Variants in SLC4A1AP observed in about 807,000 individuals in gnomAD.
SLC4A1AP encodes kanadaptin.
In SLC4A1AP, 64 loss-of-function variants were observed where a neutral mutation model predicts 89.7. The observed-to-expected ratio is 0.71, with a 90% confidence interval of 0.58 to 0.88. The LOEUF (loss-of-function observed/expected upper bound fraction) is 0.88, where lower values mean the gene tolerates loss of function less well. SLC4A1AP is among the 40% of genes least tolerant of loss of function. The probability of loss-of-function intolerance (pLI) is 0.00; values close to 1 mark genes in which losing one functional copy is unlikely to be tolerated. For missense variants in SLC4A1AP, 931 were observed against 965.0 expected, an observed-to-expected ratio of 0.96 and a Z score of 0.47; for synonymous variants, 366 against 353.3, an observed-to-expected ratio of 1.04 and a Z score of -0.40.
chr2:27,687,954 G>A (rs200343527), exon 11 of SLC4A1AP: 357 of 1,613,310 alleles, frequency 2.2e-4, no homozygotes, highest in Middle Eastern at 8.3e-4. Context: ...TCAACTTAGC[G>A]AGGAAGAACA....
intron 5 of SLC4A1AP, among the ~76,000 whole-genome samples, chr2:27,674,278 A>G (rs903449677): frequency 6.6e-6 from 1 of 152,190 alleles, no homozygotes; most frequent in Admixed American, 6.5e-5. Context: ...TCTAGGGGAA[A>G]GAGGTACTTT....
chr2:27,681,691 G>A (rs184264648), intron 8 of SLC4A1AP, among the ~76,000 whole-genome samples: 2 of 151,950 alleles, frequency 1.3e-5, no homozygotes, highest in Admixed American at 1.3e-4. Flanking sequence ...TTGTCCTAAT[G>A]GGCTTAGCTT....
At chr2:27,683,767 TCA>T (rs1199967420) in intron 9 of SLC4A1AP, among the ~76,000 whole-genome samples, 1 of 152,056 alleles carries the variant, frequency 6.6e-6, no homozygotes, top group African/African-American at 2.4e-5. Flanking sequence ...AGAGACAGTC[TCA>T]CACTGTCACC....
intron 8 of SLC4A1AP, 89 bp from the exon 9 acceptor site, chr2:27,682,159 C>T: frequency 9.1e-6 from 7 of 771,000 alleles, no homozygotes; most frequent in East Asian, 2.8e-5. Flanking sequence ...TTTATTTTGC[C>T]AGAGGTTTCT....
At chr2:27,672,444 G>C (rs1424166106) in intron 5 of SLC4A1AP, among the ~76,000 whole-genome samples, 3 of 152,000 alleles carry the variant, frequency 2.0e-5, no homozygotes, top group Non-Finnish European at 2.9e-5. Flanking sequence ...TTTCATGCCA[G>C]AGAAGGCTCA....
chr2:27,693,982 TA>T (rs1675832112), intron 13 of SLC4A1AP, among the ~76,000 whole-genome samples: 1 of 152,220 alleles, frequency 6.6e-6, no homozygotes, highest in South Asian at 2.1e-4. Flanking sequence ...AATTATTTTT[TA>T]TTTTTTTAAA....
chr2:27,665,043 C>A, intron 1 of SLC4A1AP, 57 bp from the exon 2 acceptor site: 1 of 1,439,130 alleles, frequency 6.9e-7, no homozygotes, highest in Non-Finnish European at 9.5e-7. Context: ...GCCTAGGCGA[C>A]AGAGCAAGAC....
chr2:27,664,143 C>T (rs1675255762), exon 1 of SLC4A1AP: 1 of 1,614,072 alleles, frequency 6.2e-7, no homozygotes, highest in Non-Finnish European at 8.5e-7. Context: ...TTTTAGGAGT[C>T]TACAGGAGGA....
intron 3 of SLC4A1AP, among the ~76,000 whole-genome samples, chr2:27,668,303 C>A (rs951945411): frequency 1.3e-5 from 2 of 152,162 alleles, no homozygotes; most frequent in African/African-American, 4.8e-5. Flanking sequence ...CGCCCGCCAC[C>A]ACGCCCGGCT....
chr2:27,676,729 C>G (rs1675530140), intron 6 of SLC4A1AP, among the ~76,000 whole-genome samples: 1 of 150,682 alleles, frequency 6.6e-6, no homozygotes, highest in African/African-American at 2.4e-5. Flanking sequence ...ACTCTGGAGG[C>G]TGAGACAGGA....
intron 8 of SLC4A1AP, among the ~76,000 whole-genome samples, chr2:27,681,005 A>G (rs1002024557): frequency 3.3e-5 from 5 of 151,934 alleles, no homozygotes; most frequent in African/African-American, 7.3e-5. Flanking sequence ...TGAACTTCCA[A>G]ACTTTCTGCC....
At position 27,693,762 on chromosome 2, in the gene SLC4A1AP, GT is replaced by G. The variant is rs755545171; in HGVS notation, c.2341+13del. The G allele has an allele frequency of 6.8e-5, 109 of 1,602,724 alleles. No homozygotes were observed. In the Middle Eastern group the frequency reaches 7.5e-4, roughly 11 times the overall value. ...TGTGGGTCCCACCTGAAGGTAGATT[GT>G]TTTTACTTTTTTTTCCTCTAAGGTT... is the stretch of plus-strand genomic sequence containing the variant. On this transcript the variant is annotated intron_variant, in intron 13 of 13. Transcript: ENST00000613058.
At chr2:27,677,208 C>A in intron 6 of SLC4A1AP, 87 bp from the exon 7 acceptor site, 1 of 878,716 alleles carries the variant, frequency 1.1e-6, no homozygotes, top group Non-Finnish European at 1.9e-6. Context: ...CTTCTTAAAA[C>A]TTCTAGTAAG....
At chr2:27,690,189 G>C (rs1183860642) in intron 12 of SLC4A1AP, among the ~76,000 whole-genome samples, 3 of 152,098 alleles carry the variant, frequency 2.0e-5, no homozygotes, top group Non-Finnish European at 4.4e-5. Flanking sequence ...GGTTACAAAT[G>C]GTTCTTTGGT....
exon 6 of SLC4A1AP, chr2:27,675,620 T>G: frequency 6.2e-7 from 1 of 1,612,018 alleles, no homozygotes; most frequent in African/African-American, 1.3e-5. Flanking sequence ...CTGGCCTGAT[T>G]GAGAAGAAGC....
chr2:27,664,200 C>T (rs1248606935), exon 1 of SLC4A1AP: 14 of 1,614,022 alleles, frequency 8.7e-6, no homozygotes, highest in Admixed American at 1.7e-5. Context: ...CGGTCCAGCC[C>T]GGGCTCCCCC....
chr2:27,665,346 G>A, intron 2 of SLC4A1AP, 51 bp downstream of exon 2: 6 of 1,459,528 alleles, frequency 4.1e-6, no homozygotes, highest in Non-Finnish European at 4.6e-6. Context: ...TTCATTACAA[G>A]TGGTACCCTT....
At chr2:27,668,847 A>G (rs1572989154) in exon 4 of SLC4A1AP, 1 of 1,613,976 alleles carries the variant, frequency 6.2e-7, no homozygotes, top group Non-Finnish European at 8.5e-7. Context: ...CCACAGGAGA[A>G]GAATTAGAAT....
chr2:27,671,576 C>T (rs72852198), intron 5 of SLC4A1AP, among the ~76,000 whole-genome samples: 220 of 152,330 alleles, frequency 1.4e-3, no homozygotes, highest in African/African-American at 5.1e-3. Context: ...TATTGCTCTG[C>T]AGATCTGCTA....
Sources: allele counts gnomAD v4.1 joint callset (sites outside exome capture counted in the v4.1 genomes callset), GRCh38; gene constraint gnomAD v4.1.1; transcripts MANE v1.5; gene names NCBI Gene and HGNC (gene_info 2026-07-23, HGNC 2026-07-21).